Variants in SPATA31D3 observed in about 807,000 individuals in gnomAD.
SPATA31D3 encodes the protein spermatogenesis-associated protein 31D3.
For missense variants in SPATA31D3, 91 were observed against 297.9 expected, an observed-to-expected ratio of 0.31 and a Z score of 5.11; for synonymous variants, 27 against 107.8, an observed-to-expected ratio of 0.25 and a Z score of 4.65.
In SPATA31D3 at chr9:81,948,078, C is replaced by T. The variant is rs1302134516; in HGVS notation, c.*71C>T. 6.4e-7 allele frequency: 1 copy of T among 1,563,572 alleles called. No homozygotes were observed. The highest frequency in any genetic ancestry group is 1.2e-5 in the South Asian group (1 of 82,070). ...TCTTCAAATCAGAAGAGGATATTTCCAATTCCTTTTCCCATTTCTACCTTC... is the reference window on the plus strand; with the variant it reads ...TCTTCAAATCAGAAGAGGATATTTCTAATTCCTTTTCCCATTTCTACCTTC... On this transcript the variant is annotated 3_prime_UTR_variant, in exon 4 of 4. Coordinates refer to ENST00000445385, the MANE Select transcript of SPATA31D3 (RefSeq NM_207416.3).
chr9:81,947,950 G>A lies in SPATA31D3; in HGVS notation c.2697G>A (p.Met899Ile), dbSNP rs1238651069. Residue 899 changes from methionine (M) to isoleucine (I), a missense_variant, in exon 4 of 4, where the codon ATG (methionine) becomes ATA (isoleucine). Transcript: ENST00000445385. Reference sequence around the variant, plus strand: ...TCCTTAGTTCCAACAAACAAAAGATGTTGGAAGCCCATATTAAATCTTTCC... The same window carrying A: ...TCCTTAGTTCCAACAAACAAAAGATATTGGAAGCCCATATTAAATCTTTCC... Reference protein sequence around the residue: ...MSFLSSNKQKMLEAHIKSFHM... With the variant: ...MSFLSSNKQKILEAHIKSFHM... 7.5e-6 allele frequency: 12 copies of A among 1,589,488 alleles called. No homozygotes were observed. In the Admixed American group the frequency reaches 2.0e-4, roughly 26 times the overall value.
At position 81,949,497 on chromosome 9, in the gene SPATA31D3, T is replaced by A; in HGVS notation, c.*1490T>A. Reference sequence around the variant, plus strand: ...GTCGAGTTAAAAGTAGAGCTGTCTTTACTGGGACTATTGAAGCTCAGAAAA... The same window carrying A: ...GTCGAGTTAAAAGTAGAGCTGTCTTAACTGGGACTATTGAAGCTCAGAAAA... On this transcript the variant is annotated 3_prime_UTR_variant, in exon 4 of 4. Coordinates refer to ENST00000445385, the MANE Select transcript of SPATA31D3 (RefSeq NM_207416.3). 1.9e-6 allele frequency: 1 copy of A among 528,674 alleles called. No homozygotes were observed. Among genetic ancestry groups the A allele is most frequent in the Non-Finnish European group, 3.5e-6 (1 of 282,582 alleles). 32.7% of individuals were successfully genotyped at this position (528,674 alleles called of 1,614,324 possible).
In SPATA31D3 at chr9:81,949,143, A is replaced by G; in HGVS notation, c.*1136A>G. The stretch of plus-strand genomic sequence containing the variant: ...AGCCCAGGGTCCCTACGCATGTCTT[A>G]CAGAAATGCCAAGTTAAGAATTTTT... On this transcript the variant is annotated 3_prime_UTR_variant, in exon 4 of 4. Transcript: ENST00000445385. 1 of 580,528 alleles carries G rather than the reference A, an allele frequency of 1.7e-6. No homozygotes were observed. Among genetic ancestry groups the G allele is most frequent in the African/African-American group, 1.8e-5 (1 of 54,278 alleles). The allele number at this position is 580,528 out of a possible 1,614,324, so 36.0% of individuals were successfully genotyped here. A position where few individuals can be genotyped will look rare whatever the true frequency, so the allele number is the denominator to read the frequency against.
chr9:81,947,881 GGTGA>G lies in SPATA31D3; in HGVS notation c.2634_2637del (p.Ser878ArgfsTer31). On this transcript the variant is annotated frameshift_variant, in exon 4 of 4. Coordinates refer to ENST00000445385, the MANE Select transcript of SPATA31D3 (RefSeq NM_207416.3). LOFTEE classifies it low-confidence loss of function (END_TRUNC). Reference sequence around the variant, plus strand: ...TTAAACATCGAAATTTGGCAGCATTGGTGAGTGAGGACCACCGCGTTGATACCTC... The same window carrying G: ...TTAAACATCGAAATTTGGCAGCATTGGTGAGGACCACCGCGTTGATACCTC... 1 of 1,611,842 alleles carries G rather than the reference GGTGA, an allele frequency of 6.2e-7. No homozygotes were observed. Among genetic ancestry groups the G allele is most frequent in the Non-Finnish European group, 8.5e-7 (1 of 1,179,390 alleles).
Position 81,947,607 on chromosome 9 carries a change from A to G in SPATA31D3, c.2354A>G (p.Asp785Gly). ...ETAPKNHLLH[D>G]PETSSEEDLR... ...GCCCCAAAAAACCATCTCTTGCATG[A>G]TCCGGAGACATCTTCAGAGGAGGAT... The change falls in exon 4 of 4, where the codon GAT (aspartate) becomes GGT (glycine). Residue 785 changes from aspartate (D) to glycine (G), a missense_variant. Coordinates refer to ENST00000445385, the MANE Select transcript of SPATA31D3 (RefSeq NM_207416.3). The G allele has an allele frequency of 6.4e-7, 1 of 1,570,486 alleles. No individual in the cohort carries two copies. The highest frequency in any genetic ancestry group is 1.1e-5 in the South Asian group (1 of 89,016).
rs372831178 is a variant in SPATA31D3 at position 81,947,864 on chromosome 9, C to G, written c.2611C>G (p.Arg871Gly). Residue 871 changes from arginine to glycine, a missense_variant, in exon 4 of 4, where the codon CGA becomes GGA. Arg to Gly is a moderately radical substitution (Grantham distance 125). Transcript: ENST00000445385. The stretch of plus-strand genomic sequence containing the variant: ...GAAATCCCACAGCCAAATTAAACAT[C>G]GAAATTTGGCAGCATTGGTGAGTGA... ...PEKSHSQIKH[R>G]NLAALVSEDH... 6 of 1,611,256 alleles carry G rather than the reference C, an allele frequency of 3.7e-6. No homozygotes were observed. The highest frequency in any genetic ancestry group is 4.2e-6 in the Non-Finnish European group (5 of 1,179,146).
At chr9:81,945,326 T>C in intron 3 of SPATA31D3, 94 bp downstream of exon 3, 1 of 922,132 alleles carries the variant, frequency 1.1e-6, no homozygotes, top group Non-Finnish European at 1.5e-6. Context: ...TTGCATGTTC[T>C]ATTCATTTCA....
chr9:81,949,721 C>G lies in SPATA31D3; in HGVS notation c.*1714C>G, dbSNP rs561577134. 9 of 1,405,724 alleles carry G rather than the reference C, an allele frequency of 6.4e-6. No individual in the cohort carries two copies. Among genetic ancestry groups the G allele is most frequent in the Non-Finnish European group, 8.0e-6 (8 of 995,552 alleles). The allele number at this position is 1,405,724 out of a possible 1,614,324, so 87.1% of individuals were successfully genotyped here. The stretch of plus-strand genomic sequence containing the variant: ...GCTCCCTCCTGCAAAGTGACATGTA[C>G]CAAATCTTGCAGCCAACAAGCTATC... On this transcript the variant is annotated 3_prime_UTR_variant, in exon 4 of 4. Coordinates refer to ENST00000445385, the MANE Select transcript of SPATA31D3 (RefSeq NM_207416.3).
rs778590927 is a variant in SPATA31D3 at position 81,947,893 on chromosome 9, C to T, written c.2640C>T (p.Asp880=). Residue 880 remains aspartate, a synonymous_variant, in exon 4 of 4, where the codon GAC becomes GAT. Transcript: ENST00000445385. Reference sequence around the variant, plus strand: ...ATTTGGCAGCATTGGTGAGTGAGGACCACCGCGTTGATACCTCCCAGGAGA... The same window carrying T: ...ATTTGGCAGCATTGGTGAGTGAGGATCACCGCGTTGATACCTCCCAGGAGA... ...HRNLAALVSE[D]HRVDTSQEMS... is the part of the protein sequence containing the mutation. 1.2e-6 allele frequency: 2 copies of T among 1,612,052 alleles called. No individual in the cohort carries two copies. The highest frequency in any genetic ancestry group is 1.3e-5 in the African/African-American group (1 of 74,422).
chr9:81,949,642 C>A lies in SPATA31D3; in HGVS notation c.*1635C>A. The A allele has an allele frequency of 1.1e-6, 1 of 905,780 alleles. No homozygotes were observed. Among genetic ancestry groups the A allele is most frequent in the Non-Finnish European group, 1.8e-6 (1 of 553,176 alleles). 56.1% of individuals were successfully genotyped at this position (905,780 alleles called of 1,614,324 possible). On this transcript the variant is annotated 3_prime_UTR_variant, in exon 4 of 4. Transcript: ENST00000445385. The stretch of plus-strand genomic sequence containing the variant: ...GCAGCTTGGGAAATCTCAGAATGTG[C>A]CAGAACTGCAGGTCAGAGCAGAGCC...
rs192088965 is a variant in SPATA31D3, at chr9:81,949,951, C to T, written c.*1944C>T. 3 of 527,906 alleles carry T rather than the reference C, an allele frequency of 5.7e-6. No individual in the cohort carries two copies. In the East Asian group the frequency reaches 9.2e-5, roughly 16 times the overall value. 32.7% of individuals were successfully genotyped at this position (527,906 alleles called of 1,614,324 possible). A position where few individuals can be genotyped will look rare whatever the true frequency, so the allele number is the denominator to read the frequency against. On this transcript the variant is annotated 3_prime_UTR_variant, in exon 4 of 4. Transcript: ENST00000445385. Reference sequence around the variant, plus strand: ...CGGTCATCCTGACCAGTGCTAAAAACACTGTGTTCAGTGATGTGCCTTTAC... The same window carrying T: ...CGGTCATCCTGACCAGTGCTAAAAATACTGTGTTCAGTGATGTGCCTTTAC...
chr9:81,950,061 G>T lies in SPATA31D3; in HGVS notation c.*2054G>T. 2 of 291,822 alleles carry T rather than the reference G, an allele frequency of 6.9e-6. No homozygotes were observed. The highest frequency in any genetic ancestry group is 1.4e-4 in the South Asian group (2 of 14,058). The allele number at this position is 291,822 out of a possible 1,614,324, so 18.1% of individuals were successfully genotyped here. ...TAATTAACTCCTTGTTGAGAATCTT[G>T]ACTCTCCCCAATAAACGTTCTAATA... On this transcript the variant is annotated 3_prime_UTR_variant, in exon 4 of 4. Coordinates refer to ENST00000445385, the MANE Select transcript of SPATA31D3 (RefSeq NM_207416.3).
Position 81,950,039 on chromosome 9 carries a change from T to G in SPATA31D3, c.*2032T>G. ...AGGAAAATTTCCCCCCAAAAAATAATTAACTCCTTGTTGAGAATCTTGACT... is the reference window on the plus strand; with the variant it reads ...AGGAAAATTTCCCCCCAAAAAATAAGTAACTCCTTGTTGAGAATCTTGACT... On this transcript the variant is annotated 3_prime_UTR_variant, in exon 4 of 4. Coordinates refer to ENST00000445385, the MANE Select transcript of SPATA31D3 (RefSeq NM_207416.3). 3.1e-6 allele frequency: 1 copy of G among 325,878 alleles called. No individual in the cohort carries two copies. The highest frequency in any genetic ancestry group is 5.7e-6 in the Non-Finnish European group (1 of 175,952). 20.2% of individuals were successfully genotyped at this position (325,878 alleles called of 1,614,324 possible).
In SPATA31D3 at chr9:81,949,552, G is replaced by T; in HGVS notation, c.*1545G>T. 1.7e-6 allele frequency: 1 copy of T among 597,184 alleles called. No homozygotes were observed. Among genetic ancestry groups the T allele is most frequent in the South Asian group, 1.8e-5 (1 of 56,208 alleles). The allele number at this position is 597,184 out of a possible 1,614,324, so 37.0% of individuals were successfully genotyped here. On this transcript the variant is annotated 3_prime_UTR_variant, in exon 4 of 4. Coordinates refer to ENST00000445385, the MANE Select transcript of SPATA31D3 (RefSeq NM_207416.3). ...GAAAGACACTGGGGAGTTCATAGAA[G>T]AGAAGCTGGGGCATAGACATTGAAT...
Position 81,949,799 on chromosome 9 carries a change from G to C in SPATA31D3, c.*1792G>C. On this transcript the variant is annotated 3_prime_UTR_variant, in exon 4 of 4. Coordinates refer to ENST00000445385, the MANE Select transcript of SPATA31D3 (RefSeq NM_207416.3). ...ATTAGACAGATCATAGACAAGGACAGATAGCCCCAGGAAGTTGGACATTTA... is the reference window on the plus strand; with the variant it reads ...ATTAGACAGATCATAGACAAGGACACATAGCCCCAGGAAGTTGGACATTTA... 1 of 1,269,102 alleles carries C rather than the reference G, an allele frequency of 7.9e-7. No homozygotes were observed. The highest frequency in any genetic ancestry group is 1.1e-6 in the Non-Finnish European group (1 of 873,332). 78.6% of individuals were successfully genotyped at this position (1,269,102 alleles called of 1,614,324 possible).
rs1823978835 is a variant in SPATA31D3 at position 81,949,462 on chromosome 9, C to A, written c.*1455C>A. On this transcript the variant is annotated 3_prime_UTR_variant, in exon 4 of 4. Transcript: ENST00000445385. ...GGGTAGCTCCTTGTCATCATCTGTGCAGAATAGAGGTCGAGTTAAAAGTAG... is the reference window on the plus strand; with the variant it reads ...GGGTAGCTCCTTGTCATCATCTGTGAAGAATAGAGGTCGAGTTAAAAGTAG... 2.2e-6 allele frequency: 1 copy of A among 458,832 alleles called. No individual in the cohort carries two copies. The highest frequency in any genetic ancestry group is 4.6e-5 in the East Asian group (1 of 21,860). The allele number at this position is 458,832 out of a possible 1,614,324, so 28.4% of individuals were successfully genotyped here.
At position 81,949,703 on chromosome 9, in the gene SPATA31D3, C is replaced by A; in HGVS notation, c.*1696C>A. On this transcript the variant is annotated 3_prime_UTR_variant, in exon 4 of 4. Transcript: ENST00000445385. ...TATCCCTGCAACTACATGGCTCCCT[C>A]CTGCAAAGTGACATGTACCAAATCT... is the stretch of plus-strand genomic sequence containing the variant. The A allele has an allele frequency of 1.4e-6, 2 of 1,402,494 alleles. No homozygotes were observed. The highest frequency in any genetic ancestry group is 2.0e-6 in the Non-Finnish European group (2 of 993,230). The allele number at this position is 1,402,494 out of a possible 1,614,324, so 86.9% of individuals were successfully genotyped here.
At position 81,947,966 on chromosome 9, in the gene SPATA31D3, A is replaced by T. The variant is rs1823926659; in HGVS notation, c.2713A>T (p.Lys905Ter). The T allele has an allele frequency of 1.3e-6, 2 of 1,553,194 alleles. No homozygotes were observed. Among genetic ancestry groups the T allele is most frequent in the Admixed American group, 2.1e-5 (1 of 47,616 alleles). The change falls in exon 4 of 4, where the codon AAA (lysine) becomes TAA (stop). Residue 905 changes from lysine to a stop codon, truncating the protein, a stop_gained. Coordinates refer to ENST00000445385, the MANE Select transcript of SPATA31D3 (RefSeq NM_207416.3). LOFTEE classifies it low-confidence loss of function (END_TRUNC). Reference sequence around the variant, plus strand: ...ACAAAAGATGTTGGAAGCCCATATTAAATCTTTCCATATGAAGCCCATATT... The same window carrying T: ...ACAAAAGATGTTGGAAGCCCATATTTAATCTTTCCATATGAAGCCCATATT... ...NKQKMLEAHI[K>*]SFHMKPILNL...
Position 81,949,853 on chromosome 9 carries a change from C to A in SPATA31D3, c.*1846C>A. On this transcript the variant is annotated 3_prime_UTR_variant, in exon 4 of 4. Coordinates refer to ENST00000445385, the MANE Select transcript of SPATA31D3 (RefSeq NM_207416.3). ...GGAAGATATTGTGTCAAAGGCATCC[C>A]CAATCCATGCCCCACAGGAAGCCTG... The A allele has an allele frequency of 1.1e-6, 1 of 905,632 alleles. No homozygotes were observed. The highest frequency in any genetic ancestry group is 2.5e-5 in the East Asian group (1 of 40,114). The allele number at this position is 905,632 out of a possible 1,614,324, so 56.1% of individuals were successfully genotyped here. A position where few individuals can be genotyped will look rare whatever the true frequency, so the allele number is the denominator to read the frequency against.
Sources: gnomAD v4.1 joint callset for allele counts on GRCh38, gnomAD v4.1.1 for gene constraint, MANE v1.5 for transcripts, NCBI Gene and HGNC (gene_info 2026-07-23, HGNC 2026-07-21) for gene names.